Variants in TENM3 observed in about 807,000 individuals in gnomAD.
TENM3 encodes the protein teneurin transmembrane protein 3.
In TENM3, 63 loss-of-function variants were observed where a neutral mutation model predicts 255.1. The observed-to-expected ratio is 0.25, with a 90% CI of 0.20 to 0.30. The LOEUF (loss-of-function observed/expected upper bound fraction) is 0.30, where lower values mean the gene tolerates loss of function less well. Among genes scored for constraint, TENM3 ranks in the 10% least tolerant of loss-of-function variants. TENM3 has a pLI of 1.00. For missense variants in TENM3, 2,929 were observed against 3,461.1 expected, an observed-to-expected ratio of 0.85 and a Z score of 3.86; for synonymous variants, 1,306 against 1,322.3, an observed-to-expected ratio of 0.99 and a Z score of 0.27.
At position 182,465,841 on chromosome 4, in the gene TENM3, A is replaced by C. The variant is rs539700054; in HGVS notation, c.511+118912A>C. On this transcript the variant is annotated intron_variant, in intron 3 of 27. Coordinates refer to ENST00000511685, the MANE Select transcript of TENM3 (RefSeq NM_001080477.4). ...TCATATAATTTAATAAATATTGACC[A>C]GTTGCATATAAAATAAAATGTCTTT... Among the ~76,000 whole-genome samples, 9 of 152,306 alleles carry C rather than the reference A, an allele frequency of 5.9e-5. No homozygotes were observed. In the East Asian group the frequency reaches 1.7e-3, roughly 29 times the overall value.
intron 12 of TENM3, among the ~76,000 whole-genome samples, chr4:182,703,364 T>TGGAG (rs1379882847): frequency 3.9e-5 from 6 of 152,210 alleles, no homozygotes; most frequent in African/African-American, 1.4e-4. Context: ...GTTTATACTG[T>TGGAG]GGAGGATTTA....
At chr4:181,941,442 G>A in the TENM3 span, among the ~76,000 whole-genome samples, 2 of 151,670 alleles carry the variant, frequency 1.3e-5, no homozygotes, top group Admixed American at 6.6e-5. Context: ...TGCCTGATCT[G>A]CTATTAAGCT....
chr4:182,539,080 GA>G (rs956893492), intron 3 of TENM3, among the ~76,000 whole-genome samples: 5 of 151,336 alleles, frequency 3.3e-5, no homozygotes, highest in African/African-American at 1.2e-4. Context: ...GATTGCTTAA[GA>G]AAAAAAGCAT....
chr4:182,171,082 TGA>T (rs567143815), intron 1 of TENM3, among the ~76,000 whole-genome samples: 316 of 152,328 alleles, frequency 2.1e-3, no homozygotes, highest in African/African-American at 7.1e-3. Context: ...TTTAATTCAC[TGA>T]GTTCTGACCC....
upstream of TENM3, among the ~76,000 whole-genome samples, chr4:182,140,149 A>G (rs1253407830): frequency 1.3e-5 from 2 of 152,220 alleles, no homozygotes; most frequent in African/African-American, 4.8e-5. Flanking sequence ...AGAGACTTCC[A>G]TGTAAAATTT....
chr4:181,870,485 T>G, the TENM3 span, among the ~76,000 whole-genome samples: 2 of 152,140 alleles, frequency 1.3e-5, no homozygotes, highest in Admixed American at 1.3e-4. Context: ...CTTCTGGGTT[T>G]AACTTTCTTG....
the TENM3 span, among the ~76,000 whole-genome samples, chr4:181,744,073 C>T: frequency 5.3e-5 from 8 of 152,106 alleles, no homozygotes; most frequent in African/African-American, 1.4e-4. Context: ...GAACATGCGG[C>T]GTTTGGTTTT....
At chr4:181,987,052 T>A in the TENM3 span, among the ~76,000 whole-genome samples, 1 of 152,080 alleles carries the variant, frequency 6.6e-6, no homozygotes, top group Non-Finnish European at 1.5e-5. Flanking sequence ...CTCAACAGAA[T>A]TTCAAAACCA....
the TENM3 span, among the ~76,000 whole-genome samples, chr4:181,604,797 G>C: frequency 6.6e-6 from 1 of 152,352 alleles, no homozygotes; most frequent in Admixed American, 6.5e-5. Flanking sequence ...CTAAGAGGTA[G>C]CACAGAATCA....
the TENM3 span, among the ~76,000 whole-genome samples, chr4:182,060,133 A>G: frequency 6.6e-6 from 1 of 152,138 alleles, no homozygotes; most frequent in East Asian, 1.9e-4. Flanking sequence ...GCTACTCAGG[A>G]AGCTGAGGTG....
At chr4:181,734,572 G>C in the TENM3 span, among the ~76,000 whole-genome samples, 1 of 152,048 alleles carries the variant, frequency 6.6e-6, no homozygotes, top group African/African-American at 2.4e-5. Flanking sequence ...GCAATGTTGA[G>C]TGCAGAAGAC....
intron 22 of TENM3, among the ~76,000 whole-genome samples, chr4:182,772,770 A>AG (rs946438724): frequency 2.0e-5 from 3 of 152,166 alleles, no homozygotes; most frequent in African/African-American, 7.2e-5. Context: ...GTAAAAAAAA[A>AG]ACAAATAATC....
chr4:181,521,912 C>A, the TENM3 span, among the ~76,000 whole-genome samples: 2 of 151,664 alleles, frequency 1.3e-5, no homozygotes, highest in African/African-American at 4.8e-5. Flanking sequence ...CTGGCTAACG[C>A]GGTGAAACCC....
At chr4:182,081,212 T>C in the TENM3 span, among the ~76,000 whole-genome samples, 4,042 of 152,254 alleles carry the variant, frequency 0.027, 95 homozygotes, top group South Asian at 0.069. Flanking sequence ...TAGGTAATAC[T>C]CTTCTTGAAT....
At chr4:182,737,573 A>G (rs1761262966) in intron 17 of TENM3, among the ~76,000 whole-genome samples, 1 of 152,214 alleles carries the variant, frequency 6.6e-6, no homozygotes, top group African/African-American at 2.4e-5. Context: ...GGATAATCAA[A>G]CCAGTTGTTT....
chr4:181,756,555 C>T, the TENM3 span, among the ~76,000 whole-genome samples: 11 of 152,130 alleles, frequency 7.2e-5, 1 homozygote, highest in Admixed American at 1.3e-4. Context: ...TAAACCCTGT[C>T]GGATGGGGTT....
intron 3 of TENM3, among the ~76,000 whole-genome samples, chr4:182,553,464 G>A (rs1430653999): frequency 6.6e-6 from 1 of 151,370 alleles, no homozygotes; most frequent in Non-Finnish European, 1.5e-5. Context: ...CACCAACATG[G>A]CACATGTATA....
At chr4:181,775,566 T>A in the TENM3 span, among the ~76,000 whole-genome samples, 1 of 152,182 alleles carries the variant, frequency 6.6e-6, no homozygotes, top group Non-Finnish European at 1.5e-5. Context: ...GTGTACCAAT[T>A]ATGTTTTCTA....
chr4:181,525,826 A>G, the TENM3 span, among the ~76,000 whole-genome samples: 1 of 152,208 alleles, frequency 6.6e-6, no homozygotes, highest in Non-Finnish European at 1.5e-5. Flanking sequence ...GCCCTCAGGC[A>G]GAACTAAACT....
Sources: allele counts gnomAD v4.1 joint callset (sites outside exome capture counted in the v4.1 genomes callset), GRCh38; gene constraint gnomAD v4.1.1; transcripts MANE v1.5; gene names NCBI Gene and HGNC (gene_info 2026-07-23, HGNC 2026-07-21).